SH3GL2: variants seen among roughly 807,000 people sequenced by gnomAD.
SH3GL2 encodes the protein SH3 domain containing GRB2 like 2, endophilin A1.
SH3GL2 carries 24 observed loss-of-function variants against 46.0 expected under a neutral mutation model. That is an observed-to-expected ratio of 0.52 (90% confidence interval 0.38 to 0.73). The LOEUF (loss-of-function observed/expected upper bound fraction) is 0.73, where lower values mean the gene tolerates loss of function less well. Among genes scored for constraint, SH3GL2 ranks in the 30% least tolerant of loss-of-function variants. SH3GL2 has a pLI of 0.00. For missense variants in SH3GL2, 413 were observed against 424.2 expected (o/e 0.97, Z 0.23); for synonymous variants, 196 against 147.1 (o/e 1.33, Z -2.40).
chr9:17,786,407 A>C lies in SH3GL2; in HGVS notation c.214A>C (p.Asn72His), dbSNP rs750307847. The C allele has an allele frequency of 1.2e-6, 2 of 1,613,208 alleles. No homozygotes were observed. The highest frequency in any genetic ancestry group is 4.5e-5 in the East Asian group (2 of 44,856). The part of the protein sequence containing the change: ...PASRAKLSMI[N>H]TMSKIRGQEK... Reference sequence around the variant, plus strand: ...TTCCAGAGCTAAGCTCAGCATGATCAACACCATGTCAAAAATCCGTGGCCA... The same window carrying C: ...TTCCAGAGCTAAGCTCAGCATGATCCACACCATGTCAAAAATCCGTGGCCA... Residue 72 changes from asparagine (N) to histidine (H), a missense_variant, in exon 4 of 9, where the codon AAC (asparagine) becomes CAC (histidine). Physicochemically the swap from Asn to His is moderately conservative, Grantham distance 68 (BLOSUM62 1). Around this residue, in one of 3 missense-constraint regions of SH3GL2, gnomAD observed 160 missense variants for 192.3 expected, o/e 0.83. Transcript: ENST00000380607.
intron 2 of SH3GL2, among the ~76,000 whole-genome samples, chr9:17,751,805 C>T (rs1886587): frequency 0.053 from 7,991 of 152,176 alleles, 647 homozygotes; most frequent in African/African-American, 0.18. Flanking sequence ...ATGTCTCCTT[C>T]ATGGTGTGAT....
intron 1 of SH3GL2, among the ~76,000 whole-genome samples, chr9:17,690,376 C>G (rs191344940): frequency 6.6e-6 from 1 of 152,148 alleles, no homozygotes; most frequent in Non-Finnish European, 1.5e-5. Context: ...TCCCTATCCA[C>G]TATCTGAACT....
chr9:17,762,986 C>T (rs144407673), intron 3 of SH3GL2, among the ~76,000 whole-genome samples: 284 of 152,218 alleles, frequency 1.9e-3, no homozygotes, highest in African/African-American at 5.9e-3. Context: ...GGGATTTTCA[C>T]GAGTTGTACT....
chr9:17,689,785 G>A (rs1821024648), intron 1 of SH3GL2, among the ~76,000 whole-genome samples: 1 of 151,998 alleles, frequency 6.6e-6, no homozygotes, highest in Admixed American at 6.6e-5. Flanking sequence ...GATTATAATA[G>A]TATCTCCTGC....
chr9:17,726,729 G>T (rs1051969348), intron 1 of SH3GL2, among the ~76,000 whole-genome samples: 4 of 152,068 alleles, frequency 2.6e-5, no homozygotes, highest in Non-Finnish European at 4.4e-5. Context: ...CACCTATCAG[G>T]AATATGACAT....
At chr9:17,585,203 G>A (rs894147140) in intron 1 of SH3GL2, among the ~76,000 whole-genome samples, 6 of 152,120 alleles carry the variant, frequency 3.9e-5, no homozygotes, top group Admixed American at 1.3e-4. Context: ...AGGCAGCGGC[G>A]AGAGAAGGGC....
chr9:17,767,543 G>GT (rs1262398981), intron 3 of SH3GL2, among the ~76,000 whole-genome samples: 5 of 152,170 alleles, frequency 3.3e-5, no homozygotes, highest in South Asian at 2.1e-4. Flanking sequence ...TGAATTTACT[G>GT]TTTTTTCCTG....
chr9:17,688,011 A>G (rs1480120174), intron 1 of SH3GL2, among the ~76,000 whole-genome samples: 1 of 152,132 alleles, frequency 6.6e-6, no homozygotes, highest in East Asian at 1.9e-4. Context: ...CTCATAGTTC[A>G]GTATCATAGT....
intron 1 of SH3GL2, among the ~76,000 whole-genome samples, chr9:17,727,244 G>T (rs1822046749): frequency 6.6e-6 from 1 of 152,138 alleles, no homozygotes; most frequent in African/African-American, 2.4e-5. Flanking sequence ...GTTTATGTAA[G>T]TTAAAATACA....
intron 1 of SH3GL2, among the ~76,000 whole-genome samples, chr9:17,587,493 T>C (rs1288624718): frequency 6.6e-6 from 1 of 152,226 alleles, no homozygotes; most frequent in Non-Finnish European, 1.5e-5. Context: ...TTCAGTCAAC[T>C]TCCTGTTTAT....
chr9:17,701,748 A>G (rs74906066), intron 1 of SH3GL2, among the ~76,000 whole-genome samples: 2,631 of 152,278 alleles, frequency 0.017, 33 homozygotes, highest in South Asian at 0.044. Context: ...TATAAATGAT[A>G]TAATTTTTCT....
At chr9:17,717,039 C>T (rs754849140) in intron 1 of SH3GL2, among the ~76,000 whole-genome samples, 8 of 152,064 alleles carry the variant, frequency 5.3e-5, no homozygotes, top group East Asian at 1.9e-4. Flanking sequence ...CTTTTTATTT[C>T]GTCAGAACCT....
intron 1 of SH3GL2, among the ~76,000 whole-genome samples, chr9:17,677,182 T>C (rs1437977682): frequency 6.6e-6 from 1 of 151,120 alleles, no homozygotes. Flanking sequence ...CATTTTTTTT[T>C]CCTGAAAAGA....
At chr9:17,733,268 T>TATTTTTTTC (rs1375161929) in intron 1 of SH3GL2, among the ~76,000 whole-genome samples, 1 of 152,100 alleles carries the variant, frequency 6.6e-6, no homozygotes, top group Non-Finnish European at 1.5e-5. Context: ...AAATTTTTTT[T>TATTTTTTTC]ATTTTTTTCA....
At chr9:17,620,915 A>C (rs2134600947) in intron 1 of SH3GL2, among the ~76,000 whole-genome samples, 1 of 152,330 alleles carries the variant, frequency 6.6e-6, no homozygotes, top group East Asian at 1.9e-4. Context: ...ATTTGGAGTC[A>C]GTAGCTTTGA....
intron 3 of SH3GL2, among the ~76,000 whole-genome samples, chr9:17,776,693 T>G (rs1823649435): frequency 6.8e-6 from 1 of 147,596 alleles, no homozygotes; most frequent in Non-Finnish European, 1.5e-5. Flanking sequence ...AGCCAAGAAG[T>G]ATGATAATAC....
At chr9:17,674,546 G>T (rs1820559522) in intron 1 of SH3GL2, among the ~76,000 whole-genome samples, 1 of 152,194 alleles carries the variant, frequency 6.6e-6, no homozygotes, top group African/African-American at 2.4e-5. Context: ...GATTACAGGT[G>T]TGAGCCTGCC....
At chr9:17,648,965 T>C (rs181276421) in intron 1 of SH3GL2, among the ~76,000 whole-genome samples, 2 of 152,336 alleles carry the variant, frequency 1.3e-5, no homozygotes, top group African/African-American at 2.4e-5. Flanking sequence ...AGGGATCTTA[T>C]CTATCTCTGA....
At chr9:17,719,674 T>G (rs1821844653) in intron 1 of SH3GL2, among the ~76,000 whole-genome samples, 1 of 152,022 alleles carries the variant, frequency 6.6e-6, no homozygotes, top group Non-Finnish European at 1.5e-5. Context: ...GCACCTGTGG[T>G]CCTGGCTATT....
Sources: gnomAD v4.1 joint callset for allele counts (sites outside exome capture counted in the v4.1 genomes callset) on GRCh38, gnomAD v4.1.1 for gene constraint, gnomAD v4.1.1 regional missense constraint, MANE v1.5 for transcripts, NCBI Gene and HGNC (gene_info 2026-07-23, HGNC 2026-07-21) for gene names.